SYMPK: variants seen among roughly 807,000 people sequenced by gnomAD.
SYMPK encodes symplekin scaffold protein.
Under a neutral mutation model 136.4 loss-of-function variants are expected in SYMPK, and 49 were observed. The ratio of observed to expected loss-of-function variants is 0.36; its 90% confidence interval spans 0.29 to 0.46. The LOEUF is 0.46. Ranked by LOEUF, SYMPK falls within the 20% of genes least tolerant of loss-of-function variation. SYMPK has a pLI of 1.00. For missense variants in SYMPK, 1,365 were observed against 1,690.0 expected, an observed-to-expected ratio of 0.81 and a Z score of 3.37; for synonymous variants, 766 against 713.0, an observed-to-expected ratio of 1.07 and a Z score of -1.19.
In SYMPK at chr19:45,848,780, G is replaced by A. The variant is rs1372316395; in HGVS notation, c.396C>T (p.Thr132=). The A allele has an allele frequency of 6.2e-7, 1 of 1,613,736 alleles. No individual in the cohort carries two copies. Among genetic ancestry groups the A allele is most frequent in the Non-Finnish European group, 8.5e-7 (1 of 1,180,044 alleles). Residue 132 remains threonine, a synonymous_variant, in exon 6 of 27, where the codon ACC becomes ACT. Transcript: ENST00000245934. ...GGGCCACCTTGTAGAGCTGGGTCATGGTGAGGATAGCCTTCTTCACCACGT... is the reference window on the plus strand; with the variant it reads ...GGGCCACCTTGTAGAGCTGGGTCATAGTGAGGATAGCCTTCTTCACCACGT... The part of the protein sequence containing the change: ...NVNVVKKAIL[T]MTQLYKVALQ...
chr19:45,818,065 C>G lies in SYMPK; in HGVS notation c.2975G>C (p.Ser992Thr), dbSNP rs748351881. The G allele has an allele frequency of 1.2e-5, 18 of 1,564,416 alleles. No individual in the cohort carries two copies. Among genetic ancestry groups the G allele is most frequent in the Admixed American group, 1.9e-5 (1 of 52,410 alleles). The change falls in exon 23 of 27, where the codon AGC (serine) becomes ACC (threonine). Residue 992 changes from serine (S) to threonine (T), a missense_variant. Ser to Thr is a moderately conservative substitution (Grantham distance 58). Coordinates refer to ENST00000245934, the MANE Select transcript of SYMPK (RefSeq NM_004819.3). The stretch of plus-strand genomic sequence containing the variant: ...CCTCATGAGCAGCATGGGCAGGGGG[C>G]TCTGCTCCATCAGCTGCTGCATCAC... The part of the protein sequence containing the change: ...AVVMQQLMEQ[S>T]PLPMLLMRTV...
At chr19:45,839,193 G>A (rs1014962329) in intron 9 of SYMPK, among the ~76,000 whole-genome samples, 1 of 152,094 alleles carries the variant, frequency 6.6e-6, no homozygotes, top group African/African-American at 2.4e-5. Flanking sequence ...CCAGCCTGGT[G>A]CAGTTTTTTA....
chr19:45,843,771 C>G (rs529460302), intron 8 of SYMPK, among the ~76,000 whole-genome samples: 7 of 151,640 alleles, frequency 4.6e-5, no homozygotes, highest in Non-Finnish European at 1.0e-4. Flanking sequence ...ACGGTGAAAC[C>G]CCGTCTCTAC....
Position 45,815,544 on chromosome 19 carries a change from TC to T in SYMPK, c.*15del. ...CCCCGAGTCCCTGTCCCACCCCCTT[TC>T]CCCCTCGAGCCCCGTCAGCTGTTCC... On this transcript the variant is annotated 3_prime_UTR_variant, in exon 27 of 27. Coordinates refer to ENST00000245934, the MANE Select transcript of SYMPK (RefSeq NM_004819.3). The T allele has an allele frequency of 6.6e-7, 1 of 1,517,266 alleles. No individual in the cohort carries two copies. The highest frequency in any genetic ancestry group is 8.8e-7 in the Non-Finnish European group (1 of 1,134,024). The allele number at this position is 1,517,266 out of a possible 1,614,324, so 94.0% of individuals were successfully genotyped here. A position where few individuals can be genotyped will look rare whatever the true frequency, so the allele number is the denominator to read the frequency against.
At chr19:45,836,049 A>G (rs1304910998) in intron 10 of SYMPK, among the ~76,000 whole-genome samples, 3 of 152,172 alleles carry the variant, frequency 2.0e-5, no homozygotes, top group Non-Finnish European at 4.4e-5. Flanking sequence ...CATGGATGTC[A>G]GGAATTAGTA....
chr19:45,861,069 G>A (rs973182347), intron 1 of SYMPK, among the ~76,000 whole-genome samples: 3 of 152,176 alleles, frequency 2.0e-5, no homozygotes, highest in Middle Eastern at 3.4e-3. Context: ...CCAGACAACC[G>A]GCATGGCATG....
rs188140886 is a variant in SYMPK at position 45,856,750 on chromosome 19, G to C, written c.-12-2243C>G. 4.5e-3 allele frequency among the ~76,000 whole-genome samples: 692 copies of C among 152,234 alleles called. 4 individuals carry two copies. Among genetic ancestry groups the C allele is most frequent in the African/African-American group, 0.016 (655 of 41,538 alleles). On this transcript the variant is annotated intron_variant, in intron 1 of 26. Transcript: ENST00000245934. The stretch of plus-strand genomic sequence containing the variant: ...AAGGTGGGAGGATCAATTGAGCTCA[G>C]GAGGTGGAGGATGCAGTGAGCTGTG...
intron 22 of SYMPK, 59 bp from the exon 23 acceptor site, chr19:45,818,205 G>A (rs1490440931): frequency 6.8e-7 from 1 of 1,468,338 alleles, no homozygotes; most frequent in Admixed American, 2.2e-5. Context: ...TGGGAGGTGG[G>A]AGTCCCGGCC....
intron 23 of SYMPK, chr19:45,817,213 A>C: frequency 2.0e-6 from 1 of 509,782 alleles, no homozygotes; most frequent in Non-Finnish European, 3.4e-6. Context: ...CTTTTACCAG[A>C]GCTCCCCCTG....
chr19:45,822,557 T>C (rs1380456406), intron 21 of SYMPK, among the ~76,000 whole-genome samples, 199 bp downstream of exon 21: 1 of 152,180 alleles, frequency 6.6e-6, no homozygotes, highest in East Asian at 1.9e-4. Flanking sequence ...GTCTTGCCCC[T>C]GCTGTGAATG....
chr19:45,824,251 C>A, intron 18 of SYMPK: 1 of 220,444 alleles, frequency 4.5e-6, no homozygotes, highest in South Asian at 5.9e-5. Context: ...GGCTTGGCTG[C>A]GAGCCCAGAC....
chr19:45,823,295 G>T, intron 20 of SYMPK, 77 bp downstream of exon 20: 1 of 1,448,104 alleles, frequency 6.9e-7, no homozygotes, highest in Non-Finnish European at 9.7e-7. Context: ...AACTGCTGCT[G>T]AAGCAACGTG....
At chr19:45,851,191 G>A (rs1971688558) in intron 5 of SYMPK, among the ~76,000 whole-genome samples, 1 of 152,228 alleles carries the variant, frequency 6.6e-6, no homozygotes, top group Non-Finnish European at 1.5e-5. Context: ...GTGGAAGCGG[G>A]AAATGAGTGC....
chr19:45,857,875 C>T (rs1971871701), intron 1 of SYMPK, among the ~76,000 whole-genome samples: 1 of 151,212 alleles, frequency 6.6e-6, no homozygotes, highest in Middle Eastern at 3.2e-3. Context: ...CTCAGCTCAC[C>T]GCAACCTCCA....
At chr19:45,827,943 T>C (rs372299629) in intron 14 of SYMPK, 25 bp from the exon 15 acceptor site, 6 of 1,611,882 alleles carry the variant, frequency 3.7e-6, no homozygotes, top group East Asian at 2.2e-5. Context: ...GGGAGGGCCA[T>C]GGCTGCAGAG....
chr19:45,859,962 A>T (rs1275412185), intron 1 of SYMPK, among the ~76,000 whole-genome samples: 1 of 150,218 alleles, frequency 6.7e-6, no homozygotes. Flanking sequence ...CTAAAAAAAA[A>T]AAAAAAAAAA....
At chr19:45,824,800 G>A (rs8110130) in intron 18 of SYMPK, among the ~76,000 whole-genome samples, 130,250 of 151,962 alleles carry the variant, frequency 0.86, 55,905 homozygotes, top group East Asian at 0.9. Context: ...TAGCAACACT[G>A]GGAAGGCCAG....
At chr19:45,862,175 G>C (rs1971982188) in intron 1 of SYMPK, 1 of 152,066 alleles carries the variant, frequency 6.6e-6, no homozygotes, top group Non-Finnish European at 1.5e-5. Flanking sequence ...TTCCTTTTTA[G>C]AGTTGCATAG....
rs1011055601 is a variant in SYMPK, at chr19:45,815,881, C to T, written c.3657G>A (p.Leu1219=). 1.8e-5 allele frequency: 29 copies of T among 1,611,682 alleles called. No individual in the cohort carries two copies. Among genetic ancestry groups the T allele is most frequent in the Non-Finnish European group, 2.4e-5 (28 of 1,179,728 alleles). Residue 1219 remains leucine, a synonymous_variant, in exon 26 of 27, where the codon TTG becomes TTA. Coordinates refer to ENST00000245934, the MANE Select transcript of SYMPK (RefSeq NM_004819.3). ...DDSGLTEAAL[L]DSSLEGPLPK... ...GTAGGGGGCCCTCGAGACTAGAGTC[C>T]AACAGCGCGGCCTCGGTCAGCCCCG...
Sources: allele counts gnomAD v4.1 joint callset (sites outside exome capture counted in the v4.1 genomes callset), GRCh38; gene constraint gnomAD v4.1.1; transcripts MANE v1.5; gene names NCBI Gene and HGNC (gene_info 2026-07-23, HGNC 2026-07-21).